The following NRXN3 variants were observed in gnomAD, a reference collection of about 807,000 sequenced individuals.
NRXN3 encodes the protein neurexin 3.
A neutral mutation model predicts 137.6 loss-of-function variants in NRXN3; 32 were observed. The ratio of observed to expected loss-of-function variants is 0.23; its 90% CI spans 0.18 to 0.31. The LOEUF (loss-of-function observed/expected upper bound fraction) is 0.31. NRXN3 is among the 10% of genes least tolerant of loss of function. The pLI is 1.00. For missense variants in NRXN3, 1,574 were observed against 2,062.5 expected (o/e 0.76, Z 4.59); for synonymous variants, 798 against 784.5 (o/e 1.02, Z -0.29).
At chr14:79,744,519 C>A (rs2098973058) in intron 19 of NRXN3, among the ~76,000 whole-genome samples, 1 of 152,140 alleles carries the variant, frequency 6.6e-6, no homozygotes, top group South Asian at 2.1e-4. Context: ...TGCCTCAAAA[C>A]CTAGTTATTA....
At chr14:78,566,588 C>T (rs1023415930) in intron 4 of NRXN3, among the ~76,000 whole-genome samples, 1 of 152,172 alleles carries the variant, frequency 6.6e-6, no homozygotes, top group Non-Finnish European at 1.5e-5. Flanking sequence ...CAGAGCCAGA[C>T]CCTACCAGGG....
intron 19 of NRXN3, among the ~76,000 whole-genome samples, chr14:79,785,426 T>G (rs949823487): frequency 2.0e-5 from 3 of 152,168 alleles, no homozygotes; most frequent in African/African-American, 7.2e-5. Flanking sequence ...TTATTCCCAT[T>G]CCTTCCTTTT....
chr14:78,756,805 G>A lies in NRXN3; in HGVS notation c.2044+41666G>A, dbSNP rs528174853. Among the ~76,000 whole-genome samples, 18 of 152,296 alleles carry A rather than the reference G, an allele frequency of 1.2e-4. No individual in the cohort carries two copies. In the South Asian group the frequency reaches 3.1e-3, roughly 26 times the overall value. On this transcript the variant is annotated intron_variant, in intron 8 of 20. Coordinates refer to ENST00000335750, the MANE Select transcript of NRXN3 (RefSeq NM_001330195.2). ...AACGGTGTGCCACCAACTCTGTTCCGTGTAATAGACTGATTAAAATCTTAT... is the reference window on the plus strand; with the variant it reads ...AACGGTGTGCCACCAACTCTGTTCCATGTAATAGACTGATTAAAATCTTAT...
rs79015784 is a variant in NRXN3, at chr14:79,240,817, G to A, written c.3263-226404G>A. On this transcript the variant is annotated intron_variant, in intron 15 of 20. Coordinates refer to ENST00000335750, the MANE Select transcript of NRXN3 (RefSeq NM_001330195.2). ...TTTGCAATGCACAGAAATCTCTGCT[G>A]ATGTTTAAGACTAGGACAATATTAA... Among the ~76,000 whole-genome samples, 871 of 152,220 alleles carry A rather than the reference G, an allele frequency of 5.7e-3. 5 individuals are homozygous for A. Among genetic ancestry groups the A allele is most frequent in the African/African-American group, 0.02 (841 of 41,542 alleles).
At chr14:79,560,503 G>GCTTTTTTTT (rs2097481818) in intron 16 of NRXN3, among the ~76,000 whole-genome samples, 1 of 39,572 alleles carries the variant, frequency 2.5e-5, no homozygotes, top group Non-Finnish European at 5.6e-5. Flanking sequence ...AAGATTGTAA[G>GCTTTTTTTT]CTTTTTTTTT....
At chr14:79,127,057 T>A (rs1411033790) in intron 15 of NRXN3, among the ~76,000 whole-genome samples, 1 of 152,150 alleles carries the variant, frequency 6.6e-6, no homozygotes, top group African/African-American at 2.4e-5. Flanking sequence ...TTGAGTTCAT[T>A]GTAGATTCTG....
At position 79,805,194 on chromosome 14, in the gene NRXN3, G is replaced by A. The variant is rs189843618; in HGVS notation, c.4093+4G>A. 6.2e-7 allele frequency: 1 copy of A among 1,612,304 alleles called. No individual in the cohort carries two copies. Among genetic ancestry groups the A allele is most frequent in the Admixed American group, 1.7e-5 (1 of 59,964 alleles). ...GTTGAATGTGAGCCGAGTACAGGTA[G>A]GTCAGGTCAGTCTTATTTTGCTTGC... On this transcript the variant is annotated splice_donor_region_variant and intron_variant, in intron 20 of 20. Coordinates refer to ENST00000335750, the MANE Select transcript of NRXN3 (RefSeq NM_001330195.2).
At chr14:78,697,590 A>G (rs1297680565) in intron 6 of NRXN3, among the ~76,000 whole-genome samples, 1 of 151,994 alleles carries the variant, frequency 6.6e-6, no homozygotes, top group Non-Finnish European at 1.5e-5. Flanking sequence ...CAGATTTACT[A>G]AAGGTAATGC....
At chr14:78,909,549 G>T (rs2099230423) in intron 10 of NRXN3, among the ~76,000 whole-genome samples, 1 of 151,962 alleles carries the variant, frequency 6.6e-6, no homozygotes. Flanking sequence ...TGAGAGTTTT[G>T]GTGGCAAATT....
At chr14:78,431,279 A>G (rs1014882136) in intron 4 of NRXN3, among the ~76,000 whole-genome samples, 1 of 152,184 alleles carries the variant, frequency 6.6e-6, no homozygotes, top group Non-Finnish European at 1.5e-5. Context: ...AGGGAACTTG[A>G]TAGGCACTAA....
intron 10 of NRXN3, among the ~76,000 whole-genome samples, chr14:78,855,162 C>CAAA (rs199939050): frequency 1.6e-5 from 2 of 125,334 alleles, no homozygotes; most frequent in African/African-American, 5.7e-5. Flanking sequence ...GACTGCATCT[C>CAAA]AAAAAAAAAA....
At chr14:78,656,334 A>G (rs1203346512) in intron 6 of NRXN3, among the ~76,000 whole-genome samples, 2 of 152,088 alleles carry the variant, frequency 1.3e-5, no homozygotes, top group Admixed American at 6.6e-5. Context: ...GGAGCATCCC[A>G]AGGTGAGGTG....
At chr14:78,442,730 C>A (rs1045166570) in intron 4 of NRXN3, among the ~76,000 whole-genome samples, 1 of 152,196 alleles carries the variant, frequency 6.6e-6, no homozygotes, top group East Asian at 1.9e-4. Flanking sequence ...CCACACCAGG[C>A]CTTGGGTTGT....
At chr14:79,675,709 C>G (rs1217579147) in intron 17 of NRXN3, among the ~76,000 whole-genome samples, 1 of 152,068 alleles carries the variant, frequency 6.6e-6, no homozygotes, top group Non-Finnish European at 1.5e-5. Context: ...AGGACAGGCA[C>G]TCCATTTACG....
At chr14:79,590,387 T>G (rs2097792885) in intron 16 of NRXN3, among the ~76,000 whole-genome samples, 1 of 132,732 alleles carries the variant, frequency 7.5e-6, no homozygotes, top group Non-Finnish European at 1.5e-5. Context: ...TGTGGAACTG[T>G]AAGTCCATTA....
In NRXN3 at chr14:79,861,833, C is replaced by G. The variant is rs1295118555; in HGVS notation, c.4585C>G (p.Gln1529Glu). 9.3e-6 allele frequency: 15 copies of G among 1,614,078 alleles called. No individual in the cohort carries two copies. The highest frequency in any genetic ancestry group is 1.3e-5 in the Non-Finnish European group (15 of 1,180,012). Residue 1529 changes from glutamine (Q) to glutamate (E), a missense_variant, in exon 21 of 21, where the codon CAA (glutamine) becomes GAA (glutamate). Physicochemically the swap from Gln to Glu is conservative, Grantham distance 29. Transcript: ENST00000335750. This position sits in a 1 kb window ranked among gnomAD's most constrained non-coding sequence, Gnocchi z 5.4. The part of the protein sequence containing the change: ...KYRNRDEGSY[Q>E]VDETRNYISN... ...CAGGAACAGGGACGAGGGGTCCTAT[C>G]AAGTGGACGAGACGCGGAACTACAT...
chr14:79,721,970 G>T (rs2098846116), intron 19 of NRXN3, among the ~76,000 whole-genome samples: 1 of 152,044 alleles, frequency 6.6e-6, no homozygotes, highest in South Asian at 2.1e-4. Context: ...GTCATGTTTA[G>T]TTCAGCGAGA....
At chr14:78,692,533 A>G (rs1013848216) in intron 6 of NRXN3, among the ~76,000 whole-genome samples, 1 of 152,154 alleles carries the variant, frequency 6.6e-6, no homozygotes, top group Admixed American at 6.5e-5. Context: ...CAAGTGGTTG[A>G]ATAAAGGTTA....
At chr14:79,805,262 A>T in intron 20 of NRXN3, 72 bp downstream of exon 20, 1 of 1,037,344 alleles carries the variant, frequency 9.6e-7, no homozygotes. Flanking sequence ...CATATATGTG[A>T]TTATACATGT....
Sources: gnomAD v4.1 joint callset for allele counts (sites outside exome capture counted in the v4.1 genomes callset) on GRCh38, gnomAD v4.1.1 for gene constraint, Gnocchi (gnomAD v3.1) non-coding constraint, MANE v1.5 for transcripts, NCBI Gene and HGNC (gene_info 2026-07-23, HGNC 2026-07-21) for gene names.